The following XKR6 variants were observed in gnomAD, a reference collection of about 807,000 sequenced individuals.
XKR6 encodes the protein XK related 6.
A neutral mutation model predicts 56.7 loss-of-function variants in XKR6; 22 were observed. The observed-to-expected ratio is 0.39, with a 90% CI of 0.28 to 0.55. The LOEUF is 0.55. Among genes scored for constraint, XKR6 ranks in the 20% least tolerant of loss-of-function variants. XKR6 has a pLI of 0.66. For missense variants in XKR6, 852 were observed against 889.0 expected (o/e 0.96, Z 0.53); for synonymous variants, 524 against 387.8 (o/e 1.35, Z -4.13).
Position 10,896,316 on chromosome 8 carries a change from C to T in XKR6, c.*1636G>A, listed in dbSNP as rs901315842. 6.6e-6 allele frequency: 1 copy of T among 152,550 alleles called. No individual in the cohort carries two copies. The highest frequency in any genetic ancestry group is 2.1e-4 in the South Asian group (1 of 4,824). 9.4% of individuals were successfully genotyped at this position (152,550 alleles called of 1,614,324 possible). ...ACAATGAGAAAATAAACAGTGGAAT[C>T]AAATCCTCACCCAAATGGCATGGCC... On this transcript the variant is annotated 3_prime_UTR_variant, in exon 3 of 3. Transcript: ENST00000416569.
At chr8:11,109,112 C>A (rs1414064474) in intron 1 of XKR6, 2 of 152,188 alleles carry the variant, frequency 1.3e-5, no homozygotes, top group Non-Finnish European at 2.9e-5. Flanking sequence ...GAGACACATA[C>A]TGAAACGCTT....
intron 1 of XKR6, among the ~76,000 whole-genome samples, chr8:11,134,370 T>G (rs892109103): frequency 6.6e-6 from 1 of 152,244 alleles, no homozygotes; most frequent in Admixed American, 6.5e-5. Context: ...TGAAAATATC[T>G]GAAACTAATA....
intron 1 of XKR6, among the ~76,000 whole-genome samples, chr8:10,952,531 G>A (rs1235893076): frequency 1.3e-5 from 2 of 152,170 alleles, no homozygotes; most frequent in Non-Finnish European, 2.9e-5. Flanking sequence ...ACAGCTCACT[G>A]CAGCCTCGAA....
chr8:11,093,031 TTTCTC>T (rs1462181709), intron 1 of XKR6, among the ~76,000 whole-genome samples: 1 of 123,300 alleles, frequency 8.1e-6, no homozygotes, highest in African/African-American at 5.5e-5. Context: ...TCTTTTTTCT[TTTCTC>T]TTTCTTTCTC....
intron 1 of XKR6, among the ~76,000 whole-genome samples, chr8:11,013,415 G>GA (rs1416998583): frequency 6.6e-6 from 1 of 152,188 alleles, no homozygotes; most frequent in African/African-American, 2.4e-5. Flanking sequence ...GAAGCTTCAG[G>GA]ATGCCGGCTC....
rs1257666578 is a variant in XKR6 at position 11,156,587 on chromosome 8, C to T, written c.764+43989G>A. On this transcript the variant is annotated intron_variant, in intron 1 of 2. Coordinates refer to ENST00000416569, the MANE Select transcript of XKR6 (RefSeq NM_173683.4). ...AGTTTGTCAAAGAGGCATGTGACCC[C>T]AAAGAAGTTAAAAATTATTGCCCCC... 2.0e-5 allele frequency among the ~76,000 whole-genome samples: 3 copies of T among 152,134 alleles called. No individual in the cohort carries two copies. The South Asian group carries it at 6.2e-4, about 32-fold the overall frequency.
At chr8:10,925,304 C>T (rs1272988248) in intron 1 of XKR6, among the ~76,000 whole-genome samples, 2 of 152,218 alleles carry the variant, frequency 1.3e-5, no homozygotes, top group African/African-American at 4.8e-5. Flanking sequence ...GTGCCATTCG[C>T]TGGCTGGCCA....
At chr8:11,024,961 A>G (rs1033747777) in intron 1 of XKR6, among the ~76,000 whole-genome samples, 11 of 152,230 alleles carry the variant, frequency 7.2e-5, no homozygotes, top group Non-Finnish European at 1.6e-4. Flanking sequence ...GGCTCTCTAA[A>G]GTGGCTGCCT....
At chr8:10,997,822 C>T (rs977149199) in intron 1 of XKR6, among the ~76,000 whole-genome samples, 102 of 152,150 alleles carry the variant, frequency 6.7e-4, no homozygotes, top group African/African-American at 2.1e-3. Context: ...TCACAAGCAG[C>T]GCTGCCTGGA....
chr8:11,079,282 T>C (rs1800353198), intron 1 of XKR6, among the ~76,000 whole-genome samples: 1 of 152,202 alleles, frequency 6.6e-6, no homozygotes, highest in African/African-American at 2.4e-5. Flanking sequence ...GACCTAACTG[T>C]ATCAATTGGG....
At chr8:10,912,096 CTGTG>C (rs980010194) in intron 2 of XKR6, among the ~76,000 whole-genome samples, 1 of 144,590 alleles carries the variant, frequency 6.9e-6, no homozygotes, top group Non-Finnish European at 1.5e-5. Context: ...GTATATATAT[CTGTG>C]TGTGTGTATA....
chr8:11,020,039 C>T (rs1798715017), intron 1 of XKR6, among the ~76,000 whole-genome samples: 1 of 152,178 alleles, frequency 6.6e-6, no homozygotes, highest in Admixed American at 6.5e-5. Context: ...AACAGCGGGA[C>T]CTGTCAGAGC....
chr8:11,027,873 G>T (rs1798905003), intron 1 of XKR6, among the ~76,000 whole-genome samples: 1 of 152,098 alleles, frequency 6.6e-6, no homozygotes, highest in African/African-American at 2.4e-5. Context: ...TTGAGGCTGG[G>T]CTAGAAGCCC....
Position 11,178,618 on chromosome 8 carries a change from T to TAC in XKR6, c.764+21956_764+21957dup, listed in dbSNP as rs1374474882. Among the ~76,000 whole-genome samples the TAC allele has an allele frequency of 2.1e-3, 279 of 130,296 alleles. 2 individuals carry two copies. The highest frequency in any genetic ancestry group is 3.1e-3 in the Non-Finnish European group (208 of 66,134). The allele number at this position is 130,296 out of a possible 152,430, so 85.5% of individuals were successfully genotyped here. A position where few individuals can be genotyped will look rare whatever the true frequency, so the allele number is the denominator to read the frequency against. ...ACACACACACAAATATATATATATA[T>TAC]ACACACACAAATATATATATACACA... On this transcript the variant is annotated intron_variant, in intron 1 of 2. Transcript: ENST00000416569.
At chr8:11,180,194 T>A (rs925290207) in intron 1 of XKR6, among the ~76,000 whole-genome samples, 1 of 152,042 alleles carries the variant, frequency 6.6e-6, no homozygotes, top group Admixed American at 6.6e-5. Context: ...AAGTGCTTTG[T>A]CTGGGAAAAT....
At chr8:11,012,808 T>C (rs966500718) in intron 1 of XKR6, among the ~76,000 whole-genome samples, 1 of 152,198 alleles carries the variant, frequency 6.6e-6, no homozygotes, top group Non-Finnish European at 1.5e-5. Context: ...TTTTATCCCA[T>C]GTCAGGCCAT....
intron 1 of XKR6, among the ~76,000 whole-genome samples, chr8:10,985,599 A>AG (rs1386267121): frequency 8.9e-6 from 1 of 112,514 alleles, no homozygotes; most frequent in Non-Finnish European, 1.7e-5. Flanking sequence ...CTTTTGGTTA[A>AG]AAAAAAAAAA....
At position 11,155,746 on chromosome 8, in the gene XKR6, G is replaced by A. The variant is rs145247001; in HGVS notation, c.764+44830C>T. Among the ~76,000 whole-genome samples the A allele has an allele frequency of 1.4e-4, 21 of 152,174 alleles. No individual in the cohort carries two copies. The East Asian group carries it at 3.5e-3, about 25-fold the overall frequency. ...CCTACCTTACTCAAACCTCCCACCC[G>A]TCTATTTTTCCACTTTGTCCCACTC... On this transcript the variant is annotated intron_variant, in intron 1 of 2. Coordinates refer to ENST00000416569, the MANE Select transcript of XKR6 (RefSeq NM_173683.4).
chr8:11,101,326 G>A (rs558565722), intron 1 of XKR6, among the ~76,000 whole-genome samples: 2 of 152,318 alleles, frequency 1.3e-5, no homozygotes, highest in South Asian at 4.1e-4. Flanking sequence ...TTCATGCAGA[G>A]CGGCCTTGAA....
Sources: gnomAD v4.1 joint callset for allele counts (sites outside exome capture counted in the v4.1 genomes callset) on GRCh38, gnomAD v4.1.1 for gene constraint, MANE v1.5 for transcripts, NCBI Gene and HGNC (gene_info 2026-07-23, HGNC 2026-07-21) for gene names.